Variants in IGIP observed in about 807,000 individuals in gnomAD.
IGIP encodes IgA-inducing protein homolog.
Under a neutral mutation model 3.2 loss-of-function variants are expected in IGIP, and 1 was observed. The observed-to-expected ratio is 0.32, with a 90% CI of 0.11 to 1.50. IGIP has a LOEUF of 1.50. IGIP is among the 40% of genes most tolerant of loss of function. The pLI, the probability that IGIP is intolerant of heterozygous loss-of-function variation, is 0.39. For missense variants in IGIP, 64 were observed against 69.0 expected (o/e 0.93, Z 0.26); for synonymous variants, 20 against 22.7 (o/e 0.88, Z 0.34).
chr5:140,128,662 G>A lies in IGIP; in HGVS notation c.*24G>A, dbSNP rs1319006416. 1 of 1,579,164 alleles carries A rather than the reference G, an allele frequency of 6.3e-7. No individual in the cohort carries two copies. Among genetic ancestry groups the A allele is most frequent in the Non-Finnish European group, 8.6e-7 (1 of 1,161,498 alleles). Reference sequence around the variant, plus strand: ...GAAAACTAGCGAGGTCTGCTGTACTGCTTATTGAAGTATTGTGATTATTTT... The same window carrying A: ...GAAAACTAGCGAGGTCTGCTGTACTACTTATTGAAGTATTGTGATTATTTT... On this transcript the variant is annotated 3_prime_UTR_variant, in exon 1 of 1. Transcript: ENST00000333305.
Position 140,128,728 on chromosome 5 carries a change from T to A in IGIP, c.*90T>A. 6 of 1,022,400 alleles carry A rather than the reference T, an allele frequency of 5.9e-6. No homozygotes were observed. The highest frequency in any genetic ancestry group is 8.6e-6 in the Non-Finnish European group (6 of 697,080). The allele number at this position is 1,022,400 out of a possible 1,614,324, so 63.3% of individuals were successfully genotyped here. A position where few individuals can be genotyped will look rare whatever the true frequency, so the allele number is the denominator to read the frequency against. ...CAAAATATATACTGTAACAGTATAC[T>A]TTGTACAGATTTAAATTTTATTTGA... On this transcript the variant is annotated 3_prime_UTR_variant, in exon 1 of 1. Coordinates refer to ENST00000333305, the MANE Select transcript of IGIP (RefSeq NM_001007189.2).
In IGIP at chr5:140,128,609, C is replaced by T. The variant is rs201733032; in HGVS notation, c.133C>T (p.Arg45Trp). ...CCAAGCAAACGTGTTGTGCATCAGC[C>T]GGCTTGAGTTTGTTCAATATCAAAG... is the stretch of plus-strand genomic sequence containing the variant. ...GNQANVLCIS[R>W]LEFVQYQS Residue 45 changes from arginine (R) to tryptophan (W), a missense_variant, in exon 1 of 1, where the codon CGG (arginine) becomes TGG (tryptophan). Transcript: ENST00000333305. 869 of 1,612,170 alleles carry T rather than the reference C, an allele frequency of 5.4e-4. 6 individuals are homozygous for T. Among genetic ancestry groups the T allele is most frequent in the East Asian group, 2.9e-4 (13 of 44,786 alleles).
Position 140,127,734 on chromosome 5 carries a change from T to C in IGIP, c.-743T>C, listed in dbSNP as rs1217128594. The stretch of plus-strand genomic sequence containing the variant: ...TTTTCTTACTGTAAATATTGTAAGA[T>C]TGTAATACTGTCGATATTTTATTAA... On this transcript the variant is annotated 5_prime_UTR_variant, in exon 1 of 1. Coordinates refer to ENST00000333305, the MANE Select transcript of IGIP (RefSeq NM_001007189.2). 1.2e-5 allele frequency: 2 copies of C among 167,018 alleles called. No individual in the cohort carries two copies. The highest frequency in any genetic ancestry group is 2.9e-5 in the Non-Finnish European group (2 of 68,110). The allele number at this position is 167,018 out of a possible 1,614,324, so 10.3% of individuals were successfully genotyped here.
In IGIP at chr5:140,127,165, AAG is replaced by A. The variant is rs1400477090; in HGVS notation, c.-1310_-1309del. The A allele has an allele frequency of 6.0e-6, 1 of 167,036 alleles. No individual in the cohort carries two copies. The highest frequency in any genetic ancestry group is 1.5e-5 in the Non-Finnish European group (1 of 68,130). 10.3% of individuals were successfully genotyped at this position (167,036 alleles called of 1,614,324 possible). A position where few individuals can be genotyped will look rare whatever the true frequency, so the allele number is the denominator to read the frequency against. Reference sequence around the variant, plus strand: ...TTCTTTGCCCTGGTCTCAAGTCTCTAAGACGCTGGTGTGTATTATGTGGGCTA... The same window carrying A: ...TTCTTTGCCCTGGTCTCAAGTCTCTAACGCTGGTGTGTATTATGTGGGCTA... On this transcript the variant is annotated 5_prime_UTR_variant, in exon 1 of 1. Transcript: ENST00000333305.
Position 140,128,489 on chromosome 5 carries a change from T to C in IGIP, c.13T>C (p.Tyr5His), listed in dbSNP as rs1469431507. 6.3e-7 allele frequency: 1 copy of C among 1,591,358 alleles called. No individual in the cohort carries two copies. The highest frequency in any genetic ancestry group is 8.5e-7 in the Non-Finnish European group (1 of 1,171,780). The change falls in exon 1 of 1, where the codon TAT (tyrosine) becomes CAT (histidine). Residue 5 changes from tyrosine to histidine, a missense_variant. By Grantham distance (83) the Tyr-to-His change is moderately conservative (BLOSUM62 2). Transcript: ENST00000333305. ...TTCTGTATTAAATATGTGCAGTTAT[T>C]ATCACATGAAGAAACGCAGTGTGTC... is the stretch of plus-strand genomic sequence containing the variant. MCSYYHMKKRSVSGC... is the reference protein window; with the variant it reads MCSYHHMKKRSVSGC...
chr5:140,129,299 C>T lies in IGIP; in HGVS notation c.*661C>T, dbSNP rs1309833499. On this transcript the variant is annotated 3_prime_UTR_variant, in exon 1 of 1. Coordinates refer to ENST00000333305, the MANE Select transcript of IGIP (RefSeq NM_001007189.2). ...ATTAAATCAGGATGATTGGGGTATC[C>T]ATCACCTGAAGTATGTATAATTTCT... is the stretch of plus-strand genomic sequence containing the variant. The T allele has an allele frequency of 6.6e-6, 1 of 152,130 alleles. No individual in the cohort carries two copies. Among genetic ancestry groups the T allele is most frequent in the Non-Finnish European group, 1.5e-5 (1 of 68,024 alleles). The allele number at this position is 152,130 out of a possible 1,614,324, so 9.4% of individuals were successfully genotyped here.
rs1763242008 is a variant in IGIP at position 140,128,811 on chromosome 5, A to G, written c.*173A>G. The G allele has an allele frequency of 1.7e-6, 1 of 574,092 alleles. No individual in the cohort carries two copies. The highest frequency in any genetic ancestry group is 3.0e-6 in the Non-Finnish European group (1 of 335,304). 35.6% of individuals were successfully genotyped at this position (574,092 alleles called of 1,614,324 possible). On this transcript the variant is annotated 3_prime_UTR_variant, in exon 1 of 1. Coordinates refer to ENST00000333305, the MANE Select transcript of IGIP (RefSeq NM_001007189.2). ...ATGTTTATTTTTCATGTGACTGTAT[A>G]ATCAGATCAGTCTTTTGTTTCAGTG...
At position 140,126,003 on chromosome 5, in the gene IGIP, C is replaced by G. The variant is rs1275234944; in HGVS notation, c.-2474C>G. 1.2e-5 allele frequency: 2 copies of G among 167,006 alleles called. No homozygotes were observed. Among genetic ancestry groups the G allele is most frequent in the African/African-American group, 4.8e-5 (2 of 41,426 alleles). 10.3% of individuals were successfully genotyped at this position (167,006 alleles called of 1,614,324 possible). A position where few individuals can be genotyped will look rare whatever the true frequency, so the allele number is the denominator to read the frequency against. On this transcript the variant is annotated 5_prime_UTR_variant, in exon 1 of 1. Coordinates refer to ENST00000333305, the MANE Select transcript of IGIP (RefSeq NM_001007189.2). ...AATTAAAAAAAATTGAGAAGCAGCA[C>G]TTTAAGTCTAACTCTACACCATTTT...
Position 140,128,843 on chromosome 5 carries a change from G to C in IGIP, c.*205G>C, listed in dbSNP as rs749156127. ...TCAGTCTTTTGTTTCAGTGCTTTTT[G>C]GGGGAAGGGGTCTGGTTGCGATCTT... is the stretch of plus-strand genomic sequence containing the variant. On this transcript the variant is annotated 3_prime_UTR_variant, in exon 1 of 1. Coordinates refer to ENST00000333305, the MANE Select transcript of IGIP (RefSeq NM_001007189.2). The C allele has an allele frequency of 3.9e-6, 2 of 509,986 alleles. No homozygotes were observed. The highest frequency in any genetic ancestry group is 3.4e-6 in the Non-Finnish European group (1 of 292,636). 31.6% of individuals were successfully genotyped at this position (509,986 alleles called of 1,614,324 possible). A position where few individuals can be genotyped will look rare whatever the true frequency, so the allele number is the denominator to read the frequency against.
chr5:140,126,637 C>T lies in IGIP; in HGVS notation c.-1840C>T, dbSNP rs1200213568. 6.0e-6 allele frequency: 1 copy of T among 167,050 alleles called. No homozygotes were observed. Among genetic ancestry groups the T allele is most frequent in the African/African-American group, 2.4e-5 (1 of 41,438 alleles). 10.3% of individuals were successfully genotyped at this position (167,050 alleles called of 1,614,324 possible). A position where few individuals can be genotyped will look rare whatever the true frequency, so the allele number is the denominator to read the frequency against. On this transcript the variant is annotated 5_prime_UTR_variant, in exon 1 of 1. Coordinates refer to ENST00000333305, the MANE Select transcript of IGIP (RefSeq NM_001007189.2). ...GAAGACTCCCACTTTGATTACTGACCTGACAGTGAAGATTCATGCTTGACA... is the reference window on the plus strand; with the variant it reads ...GAAGACTCCCACTTTGATTACTGACTTGACAGTGAAGATTCATGCTTGACA...
rs147379333 is a variant in IGIP at position 140,129,337 on chromosome 5, C to T, written c.*699C>T. ...ATGTATAATTTCTTCGTTTTAGGAA[C>T]ATTCTAATTCCACTCTTAGTTATTT... On this transcript the variant is annotated 3_prime_UTR_variant, in exon 1 of 1. Transcript: ENST00000333305. The T allele has an allele frequency of 9.2e-5, 14 of 152,166 alleles. No homozygotes were observed. The highest frequency in any genetic ancestry group is 1.3e-4 in the Non-Finnish European group (9 of 68,022). The allele number at this position is 152,166 out of a possible 1,614,324, so 9.4% of individuals were successfully genotyped here. A position where few individuals can be genotyped will look rare whatever the true frequency, so the allele number is the denominator to read the frequency against.
rs1164692671 is a variant in IGIP, at chr5:140,127,490, A to C, written c.-987A>C. 1 of 167,038 alleles carries C rather than the reference A, an allele frequency of 6.0e-6. No individual in the cohort carries two copies. Among genetic ancestry groups the C allele is most frequent in the Non-Finnish European group, 1.5e-5 (1 of 68,112 alleles). The allele number at this position is 167,038 out of a possible 1,614,324, so 10.3% of individuals were successfully genotyped here. On this transcript the variant is annotated 5_prime_UTR_variant, in exon 1 of 1. Coordinates refer to ENST00000333305, the MANE Select transcript of IGIP (RefSeq NM_001007189.2). ...CTGGGTAACTGAGGCTAATATGAGC[A>C]AGACTTTGGTTAATTAACTGGGTTC...
At position 140,128,853 on chromosome 5, in the gene IGIP, G is replaced by A. The variant is rs1255982786; in HGVS notation, c.*215G>A. 1.2e-5 allele frequency: 6 copies of A among 495,732 alleles called. No individual in the cohort carries two copies. The highest frequency in any genetic ancestry group is 2.1e-5 in the Non-Finnish European group (6 of 282,402). The allele number at this position is 495,732 out of a possible 1,614,324, so 30.7% of individuals were successfully genotyped here. A position where few individuals can be genotyped will look rare whatever the true frequency, so the allele number is the denominator to read the frequency against. On this transcript the variant is annotated 3_prime_UTR_variant, in exon 1 of 1. Coordinates refer to ENST00000333305, the MANE Select transcript of IGIP (RefSeq NM_001007189.2). Reference sequence around the variant, plus strand: ...GTTTCAGTGCTTTTTGGGGGAAGGGGTCTGGTTGCGATCTTGGATTTTTTT... The same window carrying A: ...GTTTCAGTGCTTTTTGGGGGAAGGGATCTGGTTGCGATCTTGGATTTTTTT...
At position 140,126,876 on chromosome 5, in the gene IGIP, G is replaced by A. The variant is rs1197075128; in HGVS notation, c.-1601G>A. 6.0e-6 allele frequency: 1 copy of A among 167,092 alleles called. No homozygotes were observed. Among genetic ancestry groups the A allele is most frequent in the African/African-American group, 2.4e-5 (1 of 41,434 alleles). The allele number at this position is 167,092 out of a possible 1,614,324, so 10.4% of individuals were successfully genotyped here. A position where few individuals can be genotyped will look rare whatever the true frequency, so the allele number is the denominator to read the frequency against. On this transcript the variant is annotated 5_prime_UTR_variant, in exon 1 of 1. Transcript: ENST00000333305. Reference sequence around the variant, plus strand: ...ACCTCAGGTGCCGTAGACAGCCCCAGATTCAAGAATTGTATCTGCTTTCTT... The same window carrying A: ...ACCTCAGGTGCCGTAGACAGCCCCAAATTCAAGAATTGTATCTGCTTTCTT...
chr5:140,128,613 T>C lies in IGIP; in HGVS notation c.137T>C (p.Leu46Pro), dbSNP rs1763239813. 1.2e-6 allele frequency: 2 copies of C among 1,612,368 alleles called. No individual in the cohort carries two copies. The highest frequency in any genetic ancestry group is 1.7e-6 in the Non-Finnish European group (2 of 1,179,558). Residue 46 changes from leucine (L) to proline (P), a missense_variant, in exon 1 of 1, where the codon CTT (leucine) becomes CCT (proline). Transcript: ENST00000333305. The stretch of plus-strand genomic sequence containing the variant: ...GCAAACGTGTTGTGCATCAGCCGGC[T>C]TGAGTTTGTTCAATATCAAAGCTGA... The part of the protein sequence containing the change: ...NQANVLCISR[L>P]EFVQYQS
chr5:140,128,646 C>A lies in IGIP; in HGVS notation c.*8C>A. The A allele has an allele frequency of 6.2e-7, 1 of 1,607,872 alleles. No individual in the cohort carries two copies. The highest frequency in any genetic ancestry group is 8.5e-7 in the Non-Finnish European group (1 of 1,177,556). The stretch of plus-strand genomic sequence containing the variant: ...GTTCAATATCAAAGCTGAAAACTAG[C>A]GAGGTCTGCTGTACTGCTTATTGAA... On this transcript the variant is annotated 3_prime_UTR_variant, in exon 1 of 1. Transcript: ENST00000333305.
In IGIP at chr5:140,126,424, G is replaced by A. The variant is rs753951520; in HGVS notation, c.-2053G>A. ...TTTGTCGTTTGAATTTTCTCTGTCAGTGTATTTAGCCCAAATACAACAGCT... is the reference window on the plus strand; with the variant it reads ...TTTGTCGTTTGAATTTTCTCTGTCAATGTATTTAGCCCAAATACAACAGCT... On this transcript the variant is annotated 5_prime_UTR_variant, in exon 1 of 1. It adds an upstream start codon to the 5' untranslated region. Transcript: ENST00000333305. 1 of 167,050 alleles carries A rather than the reference G, an allele frequency of 6.0e-6. No homozygotes were observed. The highest frequency in any genetic ancestry group is 6.5e-5 in the Admixed American group (1 of 15,288). 10.3% of individuals were successfully genotyped at this position (167,050 alleles called of 1,614,324 possible).
rs777398291 is a variant in IGIP at position 140,128,709 on chromosome 5, A to T, written c.*71A>T. 6.4e-6 allele frequency: 8 copies of T among 1,248,968 alleles called. No homozygotes were observed. Among genetic ancestry groups the T allele is most frequent in the African/African-American group, 1.5e-5 (1 of 65,506 alleles). 77.4% of individuals were successfully genotyped at this position (1,248,968 alleles called of 1,614,324 possible). On this transcript the variant is annotated 3_prime_UTR_variant, in exon 1 of 1. Coordinates refer to ENST00000333305, the MANE Select transcript of IGIP (RefSeq NM_001007189.2). ...TTTTAGGCATTGATTCTTACAAAAT[A>T]TATACTGTAACAGTATACTTTGTAC...
chr5:140,128,646 C>G lies in IGIP; in HGVS notation c.*8C>G. 2 of 1,607,872 alleles carry G rather than the reference C, an allele frequency of 1.2e-6. No homozygotes were observed. Among genetic ancestry groups the G allele is most frequent in the Non-Finnish European group, 1.7e-6 (2 of 1,177,556 alleles). On this transcript the variant is annotated 3_prime_UTR_variant, in exon 1 of 1. Transcript: ENST00000333305. ...GTTCAATATCAAAGCTGAAAACTAG[C>G]GAGGTCTGCTGTACTGCTTATTGAA...
Sources: gnomAD v4.1 joint callset for allele counts on GRCh38, gnomAD v4.1.1 for gene constraint, MANE v1.5 for transcripts, NCBI Gene and HGNC (gene_info 2026-07-23, HGNC 2026-07-21) for gene names.